TICRR: variants seen among roughly 807,000 people sequenced by gnomAD.
TICRR encodes the protein treslin.
Under a neutral mutation model 178.1 loss-of-function variants are expected in TICRR, and 132 were observed. The observed-to-expected ratio is 0.74, with a 90% confidence interval of 0.64 to 0.86. The LOEUF is 0.86. TICRR is among the 40% of genes least tolerant of loss of function. The probability of loss-of-function intolerance (pLI) is 0.00; values close to 1 mark genes in which losing one functional copy is unlikely to be tolerated. For missense variants in TICRR, 2,587 were observed against 2,334.3 expected (o/e 1.11, Z -2.23); for synonymous variants, 991 against 900.7 (o/e 1.10, Z -1.79).
At chr15:89,579,509 C>A (rs759444194) in intron 1 of TICRR, among the ~76,000 whole-genome samples, 1 of 152,038 alleles carries the variant, frequency 6.6e-6, no homozygotes, top group Non-Finnish European at 1.5e-5. Flanking sequence ...CCACGCCTGG[C>A]TAATTTTTGT....
In TICRR at chr15:89,624,573, A is replaced by G; in HGVS notation, c.4263A>G (p.Arg1421=). The change falls in exon 20 of 22, where the codon AGA becomes AGG. Residue 1421 remains arginine (R), a synonymous_variant. Coordinates refer to ENST00000268138, the MANE Select transcript of TICRR (RefSeq NM_152259.4). ...ADSPAAPTDS[R]DDQKGLSLSP... ...GCCCAGCTGCCCCCACAGACTCTAGAGATGACCAGAAGGGACTGAGCCTCT... is the reference window on the plus strand; with the variant it reads ...GCCCAGCTGCCCCCACAGACTCTAGGGATGACCAGAAGGGACTGAGCCTCT... 1.9e-6 allele frequency: 3 copies of G among 1,613,914 alleles called. No homozygotes were observed. Among genetic ancestry groups the G allele is most frequent in the Non-Finnish European group, 1.7e-6 (2 of 1,179,988 alleles).
intron 1 of TICRR, among the ~76,000 whole-genome samples, chr15:89,576,821 G>GTGTATATATATATATA (rs1216773233): frequency 1.1e-5 from 1 of 92,438 alleles, no homozygotes; most frequent in African/African-American, 3.9e-5. Context: ...ATGTGTGTGT[G>GTGTATATATATATATA]TATATATATA....
intron 13 of TICRR, among the ~76,000 whole-genome samples, chr15:89,605,857 AAC>A (rs1491424859): frequency 6.6e-6 from 1 of 152,206 alleles, no homozygotes; most frequent in African/African-American, 2.4e-5. Flanking sequence ...TCTTTAAAAA[AAC>A]AGTTTCCTTG....
Position 89,625,506 on chromosome 15 carries a change from G to A in TICRR, c.5196G>A (p.Thr1732=), listed in dbSNP as rs117840604. 2,353 of 1,613,838 alleles carry A rather than the reference G, an allele frequency of 1.5e-3. 48 individuals carry two copies. The East Asian group carries it at 0.045, about 31-fold the overall frequency. Residue 1732 remains threonine (T), a synonymous_variant, in exon 20 of 22, where the codon ACG becomes ACA. Coordinates refer to ENST00000268138, the MANE Select transcript of TICRR (RefSeq NM_152259.4). The stretch of plus-strand genomic sequence containing the variant: ...GCCTTGAACTCAGCATCCACAGGAC[G>A]CCCATCTTGGAGGATTTTGAGCTCG... ...DHGLELSIHR[T]PILEDFELEG...
At chr15:89,613,796 C>T (rs1963291713) in intron 15 of TICRR, among the ~76,000 whole-genome samples, 1 of 109,872 alleles carries the variant, frequency 9.1e-6, no homozygotes, top group Admixed American at 1.1e-4. Flanking sequence ...TCATTGGACT[C>T]ATATTTTAGA....
At chr15:89,604,338 T>C (rs1267529903) in intron 13 of TICRR, among the ~76,000 whole-genome samples, 2 of 152,240 alleles carry the variant, frequency 1.3e-5, no homozygotes, top group Non-Finnish European at 2.9e-5. Context: ...ACAATCCTGA[T>C]TGAAGATTGG....
intron 15 of TICRR, among the ~76,000 whole-genome samples, chr15:89,611,269 T>C (rs969033867): frequency 3.9e-5 from 6 of 152,190 alleles, no homozygotes; most frequent in Non-Finnish European, 5.9e-5. Context: ...GGACATAGAA[T>C]TTTTGGTTGA....
In TICRR at chr15:89,624,468, A is replaced by G. The variant is rs1963478950; in HGVS notation, c.4158A>G (p.Arg1386=). Reference sequence around the variant, plus strand: ...CTTCTAAAGTTGGGAAACGGTGTAGAAAGACCTCTGATCCCAGAAGGAGCA... The same window carrying G: ...CTTCTAAAGTTGGGAAACGGTGTAGGAAGACCTCTGATCCCAGAAGGAGCA... ...PPPSKVGKRC[R]KTSDPRRSIV... The change falls in exon 20 of 22, where the codon AGA becomes AGG. Residue 1386 remains arginine, a synonymous_variant. Coordinates refer to ENST00000268138, the MANE Select transcript of TICRR (RefSeq NM_152259.4). 1 of 1,614,162 alleles carries G rather than the reference A, an allele frequency of 6.2e-7. No homozygotes were observed. The highest frequency in any genetic ancestry group is 1.3e-5 in the African/African-American group (1 of 75,040).
In TICRR at chr15:89,609,037, A is replaced by AATT. The variant is rs1048581345; in HGVS notation, c.2869+89_2869+91dup. On this transcript the variant is annotated intron_variant, in intron 15 of 21. Coordinates refer to ENST00000268138, the MANE Select transcript of TICRR (RefSeq NM_152259.4). ...TACCGTCTTTCTTTCCTGATTTAGT[A>AATT]ATTTGAGTCTTCTTCCCTCTTTTTT... 4.1e-6 allele frequency: 5 copies of AATT among 1,221,554 alleles called. No homozygotes were observed. The African/African-American group carries it at 8.2e-5, about 20-fold the overall frequency. The allele number at this position is 1,221,554 out of a possible 1,614,324, so 75.7% of individuals were successfully genotyped here.
intron 15 of TICRR, among the ~76,000 whole-genome samples, chr15:89,610,277 ATTGT>A (rs1555421550): frequency 6.6e-6 from 1 of 152,056 alleles, no homozygotes; most frequent in Non-Finnish European, 1.5e-5. Context: ...CTTCTGTTTT[ATTGT>A]TTATTTATTA....
intron 4 of TICRR, among the ~76,000 whole-genome samples, chr15:89,589,792 C>T (rs1962880443): frequency 6.6e-6 from 1 of 152,036 alleles, no homozygotes; most frequent in Non-Finnish European, 1.5e-5. Flanking sequence ...ACAGTTGGGG[C>T]AGACTTCTCA....
chr15:89,617,038 G>A (rs79880005), intron 16 of TICRR, among the ~76,000 whole-genome samples: 3,144 of 152,270 alleles, frequency 0.021, 115 homozygotes, highest in African/African-American at 0.072. Context: ...CAGTCTAGGG[G>A]TGTAGGCAGC....
chr15:89,594,250 A>G (rs1962959296), intron 5 of TICRR, among the ~76,000 whole-genome samples, 165 bp from the exon 6 acceptor site: 1 of 152,210 alleles, frequency 6.6e-6, no homozygotes, highest in Non-Finnish European at 1.5e-5. Context: ...ATCGAAAATG[A>G]GAGGAGGGAC....
At chr15:89,578,658 C>CTTTTT (rs796973609) in intron 1 of TICRR, among the ~76,000 whole-genome samples, 1 of 123,864 alleles carries the variant, frequency 8.1e-6, no homozygotes, top group Non-Finnish European at 1.9e-5. Flanking sequence ...CTCTCTCTCT[C>CTTTTT]TTTTTTTTTT....
chr15:89,620,726 G>C (rs959465600), intron 18 of TICRR, among the ~76,000 whole-genome samples: 14 of 151,682 alleles, frequency 9.2e-5, no homozygotes, highest in Non-Finnish European at 2.1e-4. Flanking sequence ...TTGTTTGTTT[G>C]TTTGTTTGTT....
chr15:89,598,097 G>C (rs112679877), intron 7 of TICRR, among the ~76,000 whole-genome samples: 2,901 of 151,938 alleles, frequency 0.019, 99 homozygotes, highest in African/African-American at 0.066. Context: ...CTGCAAATTT[G>C]CTATAATCAC....
In TICRR at chr15:89,601,533, G is replaced by A. The variant is rs371637075; in HGVS notation, c.2292G>A (p.Ala764=). 90 of 1,614,164 alleles carry A rather than the reference G, an allele frequency of 5.6e-5. No individual in the cohort carries two copies. Among genetic ancestry groups the A allele is most frequent in the Middle Eastern group, 3.3e-4 (2 of 6,062 alleles). The part of the protein sequence containing the change: ...LRMVCLTEDS[A]YLAEFLEEIL... ...TGGTGTGTTTAACTGAGGATTCAGC[G>A]TACCTAGCAGAGTTTCTGGAGGAAA... The change falls in exon 11 of 22, where the codon GCG becomes GCA. Residue 764 remains alanine (A), a synonymous_variant. Transcript: ENST00000268138.
chr15:89,614,002 A>C (rs1963295419), intron 15 of TICRR, among the ~76,000 whole-genome samples: 1 of 151,622 alleles, frequency 6.6e-6, no homozygotes, highest in South Asian at 2.1e-4. Flanking sequence ...AAAATACAAA[A>C]AATTAGCCGG....
chr15:89,618,139 G>T lies in TICRR; in HGVS notation c.2961-13G>T, dbSNP rs1387917272. 6.2e-7 allele frequency: 1 copy of T among 1,613,900 alleles called. No individual in the cohort carries two copies. Among genetic ancestry groups the T allele is most frequent in the South Asian group, 1.1e-5 (1 of 91,076 alleles). On this transcript the variant is annotated splice_polypyrimidine_tract_variant and intron_variant, in intron 16 of 21. Transcript: ENST00000268138. ...GTGGTATGGAGTAATCCTTGTGCAT[G>T]TGGTTCCTCGAGGTCCTCTGATCCT...
Sources: allele counts gnomAD v4.1 joint callset (sites outside exome capture counted in the v4.1 genomes callset), GRCh38; gene constraint gnomAD v4.1.1; transcripts MANE v1.5; gene names NCBI Gene and HGNC (gene_info 2026-07-23, HGNC 2026-07-21).